NUBP2: variants seen among roughly 807,000 people sequenced by gnomAD.
The protein encoded by NUBP2 is NUBP iron-sulfur cluster assembly factor 2, cytosolic, also known as cytosolic Fe-S cluster assembly factor NUBP2.
Under a neutral mutation model 24.9 loss-of-function variants are expected in NUBP2, and 23 were observed. The observed-to-expected ratio is 0.92, with a 90% CI of 0.66 to 1.31. The LOEUF (loss-of-function observed/expected upper bound fraction) is 1.31. Ranked by LOEUF, NUBP2 falls within the 50% of genes most tolerant of loss-of-function variation. The pLI is 0.00. For missense variants in NUBP2, 403 were observed against 386.5 expected (o/e 1.04, Z -0.36); for synonymous variants, 186 against 170.9 (o/e 1.09, Z -0.69).
chr16:1,784,621 G>A (rs1896877193), intron 1 of NUBP2: 1 of 150,678 alleles, frequency 6.6e-6, no homozygotes, highest in Non-Finnish European at 1.5e-5. Context: ...GGCCAGGCTG[G>A]TCTCGAACTC....
Position 1,782,962 on chromosome 16 carries a change from G to A in NUBP2, c.-59G>A, listed in dbSNP as rs1044185665. ...TTGGAAGGCCCTTCGCTCTAGCTGG[G>A]AGGCTGACGGCCCGCGGGCGTAAGC... On this transcript the variant is annotated 5_prime_UTR_variant, in exon 1 of 7. Coordinates refer to ENST00000262302, the MANE Select transcript of NUBP2 (RefSeq NM_012225.4). 1.9e-5 allele frequency: 27 copies of A among 1,415,752 alleles called. No homozygotes were observed. The highest frequency in any genetic ancestry group is 3.0e-5 in the African/African-American group (2 of 66,946). The allele number at this position is 1,415,752 out of a possible 1,614,324, so 87.7% of individuals were successfully genotyped here.
intron 3 of NUBP2, chr16:1,787,454 C>T: frequency 1.6e-6 from 1 of 615,490 alleles, no homozygotes; most frequent in Non-Finnish European, 2.8e-6. Flanking sequence ...GCTCTGTGGG[C>T]AGGGGCCAGA....
intron 3 of NUBP2, 196 bp from the exon 4 acceptor site, chr16:1,787,481 G>A (rs1259680046): frequency 1.0e-5 from 7 of 702,224 alleles, no homozygotes; most frequent in South Asian, 1.8e-5. Flanking sequence ...AGAAAGGGAC[G>A]CTGTAATGGC....
At chr16:1,787,109 G>A in intron 3 of NUBP2, 154 bp downstream of exon 3, 2 of 698,020 alleles carry the variant, frequency 2.9e-6, no homozygotes, top group East Asian at 2.8e-5. Flanking sequence ...GGCTGGCGGT[G>A]TGTCTCCAGT....
Position 1,787,694 on chromosome 16 carries a change from G to A in NUBP2, c.352G>A (p.Val118Met). The A allele has an allele frequency of 1.2e-6, 2 of 1,612,602 alleles. No homozygotes were observed. The highest frequency in any genetic ancestry group is 1.7e-6 in the Non-Finnish European group (2 of 1,179,918). ...PKKNALIKQF[V>M]SDVAWGELDY... ...CTTTGCAGCGCTGATAAAGCAGTTT[G>A]TGTCCGACGTGGCCTGGGGGGAGCT... Residue 118 changes from valine (V) to methionine (M), a missense_variant, in exon 4 of 7, where the codon GTG becomes ATG. Transcript: ENST00000262302.
chr16:1,783,295 T>C, intron 1 of NUBP2: 2 of 1,139,108 alleles, frequency 1.8e-6, no homozygotes, highest in Non-Finnish European at 2.2e-6. Flanking sequence ...AAGTTAACTT[T>C]GTTGAGCACC....
At chr16:1,784,951 C>G (rs1399864260) in intron 1 of NUBP2, 1 of 296,952 alleles carries the variant, frequency 3.4e-6, no homozygotes, top group Non-Finnish European at 5.0e-6. Flanking sequence ...GCGTGGGAGG[C>G]TGAGGCACGA....
Position 1,788,698 on chromosome 16 carries a change from C to G in NUBP2, c.800C>G (p.Pro267Arg), listed in dbSNP as rs1408585932. Residue 267 changes from proline to arginine, a missense_variant, in exon 7 of 7, where the codon CCC becomes CGC. Physicochemically the swap from Pro to Arg is moderately radical, Grantham distance 103. Coordinates refer to ENST00000262302, the MANE Select transcript of NUBP2 (RefSeq NM_012225.4). The part of the protein sequence containing the change: ...SIAQKILDAT[P>R]ACLP ...GCCCAGAAGATTCTGGACGCGACGC[C>G]CGCGTGCCTCCCCTGACTAAGGCCA... The G allele has an allele frequency of 1.9e-6, 3 of 1,611,236 alleles. No homozygotes were observed. In the Admixed American group the frequency reaches 5.0e-5, roughly 27 times the overall value.
At chr16:1,785,091 C>CA (rs1213642963) in intron 1 of NUBP2, 2 of 985,718 alleles carry the variant, frequency 2.0e-6, no homozygotes, top group Admixed American at 1.2e-4. Context: ...TATATTTGTC[C>CA]ACCACGTGGA....
At chr16:1,784,640 A>C (rs891232179) in intron 1 of NUBP2, 1 of 151,542 alleles carries the variant, frequency 6.6e-6, no homozygotes, top group African/African-American at 2.4e-5. Context: ...TCCTGACCTC[A>C]GGTGATCCAC....
chr16:1,787,424 G>T, intron 3 of NUBP2: 1 of 569,030 alleles, frequency 1.8e-6, no homozygotes, highest in Non-Finnish European at 3.1e-6. Flanking sequence ...CTGATTTGGG[G>T]CCTCGGGGAG....
intron 5 of NUBP2, 39 bp from the exon 6 acceptor site, chr16:1,788,099 G>A (rs1897075654): frequency 1.9e-6 from 3 of 1,556,284 alleles, no homozygotes; most frequent in South Asian, 2.4e-5. Context: ...CTGGCCGGTG[G>A]GGGCTTTGGG....
At chr16:1,786,420 TG>T in intron 1 of NUBP2, 116 bp from the exon 2 acceptor site, 1 of 907,292 alleles carries the variant, frequency 1.1e-6, no homozygotes, top group Non-Finnish European at 1.7e-6. Context: ...CCTCTGGGTC[TG>T]GCGATTCACC....
In NUBP2 at chr16:1,788,785, C is replaced by T. The variant is rs1398204531; in HGVS notation, c.*71C>T. On this transcript the variant is annotated 3_prime_UTR_variant, in exon 7 of 7. Transcript: ENST00000262302. The stretch of plus-strand genomic sequence containing the variant: ...CTCCAGCCTCTCAGAGAAACAGAGG[C>T]CTGGGCTCGGTTCCCGGGCCCTGCA... 3.3e-6 allele frequency: 5 copies of T among 1,513,830 alleles called. No homozygotes were observed. Among genetic ancestry groups the T allele is most frequent in the Non-Finnish European group, 4.4e-6 (5 of 1,131,348 alleles). 93.8% of individuals were successfully genotyped at this position (1,513,830 alleles called of 1,614,324 possible).
chr16:1,787,626 C>A (rs763390659), intron 3 of NUBP2, 51 bp from the exon 4 acceptor site: 2 of 1,592,230 alleles, frequency 1.3e-6, no homozygotes, highest in Admixed American at 3.4e-5. Context: ...CGCAGGGCCA[C>A]GTGTGCAGAC....
chr16:1,788,985 C>A lies in NUBP2; in HGVS notation c.*271C>A. ...TCCCATCCATGTTGCCTACCTGTGCCCCTGGCAGCCGCGTGTCCACACAGT... is the reference window on the plus strand; with the variant it reads ...TCCCATCCATGTTGCCTACCTGTGCACCTGGCAGCCGCGTGTCCACACAGT... On this transcript the variant is annotated 3_prime_UTR_variant, in exon 7 of 7. Coordinates refer to ENST00000262302, the MANE Select transcript of NUBP2 (RefSeq NM_012225.4). The A allele has an allele frequency of 2.2e-6, 1 of 457,344 alleles. No homozygotes were observed. The highest frequency in any genetic ancestry group is 3.9e-6 in the Non-Finnish European group (1 of 256,794). 28.3% of individuals were successfully genotyped at this position (457,344 alleles called of 1,614,324 possible).
intron 1 of NUBP2, chr16:1,786,049 G>C: frequency 1.8e-6 from 2 of 1,129,792 alleles, no homozygotes; most frequent in Non-Finnish European, 2.2e-6. Flanking sequence ...TGCAGGGACC[G>C]AGAGCCGGGG....
intron 1 of NUBP2, chr16:1,783,392 A>G: frequency 9.4e-7 from 1 of 1,059,558 alleles, no homozygotes; most frequent in Non-Finnish European, 1.1e-6. Context: ...GGCAAGAGCG[A>G]GACCCTGTCT....
chr16:1,785,844 T>G (rs746052180), intron 1 of NUBP2: 5 of 1,288,904 alleles, frequency 3.9e-6, no homozygotes. Context: ...TCCAAGGACC[T>G]GTCGGGGATG....
Sources: allele counts gnomAD v4.1 joint callset, GRCh38; gene constraint gnomAD v4.1.1; transcripts MANE v1.5; gene names NCBI Gene and HGNC (gene_info 2026-07-23, HGNC 2026-07-21).